The following CALU variants were observed in gnomAD, a reference collection of about 807,000 sequenced individuals.
The protein encoded by CALU is calumenin, also known as IEF SSP 9302.
In CALU, 13 loss-of-function variants were observed where a neutral mutation model predicts 37.5. That is an observed-to-expected ratio of 0.35 (90% confidence interval 0.23 to 0.55). CALU has a LOEUF of 0.55. Ranked by LOEUF, CALU falls within the 20% of genes least tolerant of loss-of-function variation. CALU has a pLI of 0.89. For synonymous variants in CALU, 114 were observed against 133.8 expected (o/e 0.85, Z 1.02); for missense variants, 282 against 391.7 (o/e 0.72, Z 2.36).
At chr7:128,762,912 C>A (rs1332574971) in intron 5 of CALU, among the ~76,000 whole-genome samples, 1 of 152,040 alleles carries the variant, frequency 6.6e-6, no homozygotes, top group Non-Finnish European at 1.5e-5. Flanking sequence ...AGTGATCTGA[C>A]CACCTTAGCC....
intron 5 of CALU, among the ~76,000 whole-genome samples, chr7:128,765,226 TC>T (rs1362423550): frequency 5.9e-5 from 9 of 152,166 alleles, no homozygotes; most frequent in African/African-American, 2.2e-4. Flanking sequence ...TTCTTTTTTT[TC>T]TTTTTCTTTT....
chr7:128,740,794 C>T (rs377737927), intron 1 of CALU, among the ~76,000 whole-genome samples: 2 of 152,164 alleles, frequency 1.3e-5, no homozygotes, highest in East Asian at 3.8e-4. Flanking sequence ...TCAATGTAAT[C>T]ATTGTTTGTT....
chr7:128,748,441 TG>T (rs1332138875), intron 1 of CALU, 131 bp from the exon 2 acceptor site: 17 of 1,228,208 alleles, frequency 1.4e-5, no homozygotes, highest in Non-Finnish European at 1.9e-5. Context: ...AAGTAATATT[TG>T]GGATAATATA....
rs1292083993 is a variant in CALU, at chr7:128,770,303, T to G, written c.*1136T>G. 6.6e-6 allele frequency: 1 copy of G among 152,622 alleles called. No homozygotes were observed. Among genetic ancestry groups the G allele is most frequent in the Non-Finnish European group, 1.5e-5 (1 of 68,030 alleles). 9.5% of individuals were successfully genotyped at this position (152,622 alleles called of 1,614,324 possible). The stretch of plus-strand genomic sequence containing the variant: ...TTTCTCTTTTGGACAATAGTTAAAT[T>G]AGCAGTATTAGTTATGAGTTTGGTT... On this transcript the variant is annotated 3_prime_UTR_variant, in exon 7 of 7. Transcript: ENST00000249364.
intron 3 of CALU, among the ~76,000 whole-genome samples, chr7:128,758,448 A>G (rs185499061): frequency 5.9e-5 from 9 of 152,336 alleles, no homozygotes; most frequent in South Asian, 2.1e-4. Flanking sequence ...CAACAATCCT[A>G]TGAAGCCGGC....
At chr7:128,752,494 C>G (rs1211866396) in intron 2 of CALU, among the ~76,000 whole-genome samples, 1 of 152,064 alleles carries the variant, frequency 6.6e-6, no homozygotes, top group African/African-American at 2.4e-5. Flanking sequence ...CCCTTTATTT[C>G]TGAACTGTAC....
At chr7:128,745,760 A>C (rs1800407723) in intron 1 of CALU, among the ~76,000 whole-genome samples, 1 of 152,248 alleles carries the variant, frequency 6.6e-6, no homozygotes, top group South Asian at 2.1e-4. Context: ...TTGGAGGGTC[A>C]GCCAGAGTGT....
intron 1 of CALU, among the ~76,000 whole-genome samples, chr7:128,742,421 A>G (rs547944524): frequency 1.3e-5 from 2 of 152,234 alleles, no homozygotes; most frequent in South Asian, 4.1e-4. Flanking sequence ...ATTTCTCCCA[A>G]TTGTTAACAT....
intron 1 of CALU, among the ~76,000 whole-genome samples, chr7:128,746,030 T>G (rs1346324601): frequency 2.6e-5 from 4 of 152,198 alleles, no homozygotes; most frequent in Admixed American, 2.6e-4. Flanking sequence ...CTGGGGAGAT[T>G]GTTTAATTTT....
At chr7:128,745,049 T>TA (rs1279441069) in intron 1 of CALU, among the ~76,000 whole-genome samples, 1 of 152,214 alleles carries the variant, frequency 6.6e-6, no homozygotes, top group Non-Finnish European at 1.5e-5. Flanking sequence ...CAGATTATGT[T>TA]AGAGTGCATA....
At chr7:128,748,350 A>G (rs1030206248) in intron 1 of CALU, 21 of 1,501,236 alleles carry the variant, frequency 1.4e-5, no homozygotes, top group African/African-American at 2.8e-5. Context: ...TCAGCCTACA[A>G]TCAGATGAAG....
intron 5 of CALU, among the ~76,000 whole-genome samples, chr7:128,763,741 A>G (rs62479585): frequency 0.3 from 45,894 of 152,092 alleles, 8,144 homozygotes; most frequent in Non-Finnish European, 0.41. Context: ...CTAGGGCAGG[A>G]ACCTGATCCA....
intron 1 of CALU, among the ~76,000 whole-genome samples, chr7:128,741,853 T>A (rs1800254787): frequency 6.6e-6 from 1 of 152,228 alleles, no homozygotes; most frequent in African/African-American, 2.4e-5. Flanking sequence ...TTTCTAGAAC[T>A]TTTTTCTTTA....
In CALU at chr7:128,767,436, A is replaced by G. The variant is rs753115412; in HGVS notation, c.644-20A>G. 52 of 1,579,268 alleles carry G rather than the reference A, an allele frequency of 3.3e-5. 1 individual carries two copies. The Admixed American group carries it at 4.0e-4, about 12-fold the overall frequency. On this transcript the variant is annotated intron_variant, in intron 5 of 6. Transcript: ENST00000249364. ...GGGAAAAGACAAACCCTTCTTTTGTATGTATGTCTGTGTACCCAGGTGACA... is the reference window on the plus strand; with the variant it reads ...GGGAAAAGACAAACCCTTCTTTTGTGTGTATGTCTGTGTACCCAGGTGACA...
At position 128,767,599 on chromosome 7, in the gene CALU, T is replaced by C; in HGVS notation, c.787T>C (p.Tyr263His). 6.2e-7 allele frequency: 1 copy of C among 1,614,170 alleles called. No individual in the cohort carries two copies. The change falls in exon 6 of 7, where the codon TAT becomes CAT. Residue 263 changes from tyrosine (Y) to histidine (H), a missense_variant. Tyr to His is a moderately conservative substitution (Grantham distance 83). Coordinates refer to ENST00000249364, the MANE Select transcript of CALU (RefSeq NM_001219.5). ...ETKDWILPSD[Y>H]DHAEAEARHL... is the part of the protein sequence containing the mutation. ...CAAAGACTGGATCCTTCCCTCAGAC[T>C]ATGATCATGCAGAGGCAGAAGCCAG...
intron 1 of CALU, among the ~76,000 whole-genome samples, chr7:128,743,960 C>T (rs902087454): frequency 2.0e-5 from 3 of 152,192 alleles, no homozygotes; most frequent in African/African-American, 7.2e-5. Context: ...AATCCCGACA[C>T]TTTGGGAGGC....
chr7:128,752,448 G>A (rs548694325), intron 2 of CALU, among the ~76,000 whole-genome samples: 1 of 152,216 alleles, frequency 6.6e-6, no homozygotes, highest in African/African-American at 2.4e-5. Flanking sequence ...AATACCTTTT[G>A]GGGGTAGGAG....
At chr7:128,756,921 T>A (rs999787553) in intron 3 of CALU, among the ~76,000 whole-genome samples, 2 of 151,946 alleles carry the variant, frequency 1.3e-5, no homozygotes, top group African/African-American at 2.4e-5. Flanking sequence ...ACAAAAAAAA[T>A]ATTAAAAATT....
chr7:128,743,896 C>CAATTTGGTTGA (rs1259337489), intron 1 of CALU, among the ~76,000 whole-genome samples: 1 of 152,102 alleles, frequency 6.6e-6, no homozygotes, highest in African/African-American at 2.4e-5. Context: ...GTTGAAAAGA[C>CAATTTGGTTGA]AAAGATGCTT....
Sources: allele counts gnomAD v4.1 joint callset (sites outside exome capture counted in the v4.1 genomes callset), GRCh38; gene constraint gnomAD v4.1.1; transcripts MANE v1.5; gene names NCBI Gene and HGNC (gene_info 2026-07-23, HGNC 2026-07-21).